The following PLCB4 variants were observed in gnomAD, a reference collection of about 807,000 sequenced individuals.
The protein encoded by PLCB4 is 1-phosphatidylinositol 4,5-bisphosphate phosphodiesterase beta-4.
A neutral mutation model predicts 178.8 loss-of-function variants in PLCB4; 77 were observed. The ratio of observed to expected loss-of-function variants is 0.43; its 90% confidence interval spans 0.36 to 0.52. PLCB4 has a LOEUF of 0.52. Ranked by LOEUF, PLCB4 falls within the 20% of genes least tolerant of loss-of-function variation. The pLI, the probability that PLCB4 is intolerant of heterozygous loss-of-function variation, is 0.00. For synonymous variants in PLCB4, 496 were observed against 490.8 expected (o/e 1.01, Z -0.14); for missense variants, 1,024 against 1,453.4 (o/e 0.70, Z 4.80).
chr20:9,170,061 G>A (rs1183279921), intron 2 of PLCB4, among the ~76,000 whole-genome samples: 2 of 152,022 alleles, frequency 1.3e-5, no homozygotes, highest in African/African-American at 2.4e-5. Context: ...ACAAGTGGAC[G>A]CACCCAGATA....
At chr20:9,452,942 G>A (rs988478092) in intron 32 of PLCB4, among the ~76,000 whole-genome samples, 4 of 152,208 alleles carry the variant, frequency 2.6e-5, no homozygotes, top group Non-Finnish European at 5.9e-5. Context: ...GAAGAAACAT[G>A]GTGGCTGAAC....
At chr20:9,476,536 TC>T (rs1288365758) in intron 38 of PLCB4, among the ~76,000 whole-genome samples, 180 bp from the exon 39 acceptor site, 1 of 152,200 alleles carries the variant, frequency 6.6e-6, no homozygotes, top group Non-Finnish European at 1.5e-5. Flanking sequence ...TTCTTTTTTT[TC>T]TGTTGAGATC....
chr20:9,344,386 A>G (rs1007816129), intron 7 of PLCB4, among the ~76,000 whole-genome samples: 9 of 152,174 alleles, frequency 5.9e-5, no homozygotes, highest in African/African-American at 2.2e-4. Context: ...CTTACTTACC[A>G]TAATATCCAT....
At chr20:9,125,669 A>C (rs1204218458) in intron 2 of PLCB4, among the ~76,000 whole-genome samples, 1 of 152,204 alleles carries the variant, frequency 6.6e-6, no homozygotes, top group Non-Finnish European at 1.5e-5. Context: ...ACTAGAGACC[A>C]ACATAAGGAG....
At chr20:9,087,604 A>G (rs1226097454) in intron 1 of PLCB4, among the ~76,000 whole-genome samples, 2 of 152,194 alleles carry the variant, frequency 1.3e-5, no homozygotes, top group Non-Finnish European at 2.9e-5. Context: ...AGTGATCAGC[A>G]GTAGGGAAGA....
At chr20:9,197,338 G>T (rs200874427) in intron 2 of PLCB4, among the ~76,000 whole-genome samples, 2 of 152,092 alleles carry the variant, frequency 1.3e-5, no homozygotes, top group Non-Finnish European at 2.9e-5. Flanking sequence ...TGGCTATTTT[G>T]CACTCACCAC....
chr20:9,172,158 T>C (rs947760055), intron 2 of PLCB4, among the ~76,000 whole-genome samples: 8 of 152,212 alleles, frequency 5.3e-5, no homozygotes, highest in African/African-American at 1.9e-4. Flanking sequence ...AATTTCATTT[T>C]GTAGAATGAC....
intron 2 of PLCB4, among the ~76,000 whole-genome samples, chr20:9,162,510 G>A (rs1568868677): frequency 2.0e-5 from 3 of 152,188 alleles, no homozygotes; most frequent in East Asian, 1.9e-4. Context: ...TATGCTATTC[G>A]GAGTTAATAT....
Position 9,384,643 on chromosome 20 carries a change from T to C in PLCB4, c.1064+232T>C, listed in dbSNP as rs1309680333. On this transcript the variant is annotated intron_variant, in intron 14 of 39. Coordinates refer to ENST00000378473, the MANE Select transcript of PLCB4 (RefSeq NM_001377142.1). ...TGAAAAGACTTTTCTTTACTGTAAA[T>C]TTAAAATATGCCTCCAAAACCACAA... 2.0e-5 allele frequency among the ~76,000 whole-genome samples: 3 copies of C among 152,192 alleles called. No individual in the cohort carries two copies. In the East Asian group the frequency reaches 5.8e-4, roughly 29 times the overall value.
chr20:9,202,072 T>C (rs2093553793), intron 2 of PLCB4, among the ~76,000 whole-genome samples: 1 of 152,216 alleles, frequency 6.6e-6, no homozygotes, highest in South Asian at 2.1e-4. Flanking sequence ...AAATTAGTGA[T>C]GCATGCACCA....
chr20:9,440,329 T>C (rs2042032273), intron 30 of PLCB4, among the ~76,000 whole-genome samples: 1 of 152,218 alleles, frequency 6.6e-6, no homozygotes, highest in Non-Finnish European at 1.5e-5. Context: ...TATTTTATAA[T>C]AAAGTGTTAA....
intron 4 of PLCB4, among the ~76,000 whole-genome samples, chr20:9,328,324 C>T (rs2031053837): frequency 6.6e-6 from 1 of 152,122 alleles, no homozygotes; most frequent in South Asian, 2.1e-4. Context: ...TCAGTAGGAA[C>T]AGAGTTTTTC....
Position 9,409,062 on chromosome 20 carries a change from A to G in PLCB4, c.1880A>G (p.Asn627Ser). 6.2e-7 allele frequency: 1 copy of G among 1,610,424 alleles called. No homozygotes were observed. Among genetic ancestry groups the G allele is most frequent in the Non-Finnish European group, 8.5e-7 (1 of 1,179,220 alleles). The part of the protein sequence containing the change: ...KTHAIEFVNY[N>S]KRQMSRIYPK... ...TTTTCCTTAATAAGTTACAGTTATA[A>G]CAAACGGCAAATGAGTCGCATTTAC... The change falls in exon 24 of 40, where the codon AAC (asparagine) becomes AGC (serine). Residue 627 changes from asparagine (N) to serine (S), a missense_variant. By Grantham distance (46) the Asn-to-Ser change is conservative. Coordinates refer to ENST00000378473, the MANE Select transcript of PLCB4 (RefSeq NM_001377142.1).
At chr20:9,464,015 C>G (rs901591825) in intron 35 of PLCB4, among the ~76,000 whole-genome samples, 1 of 152,090 alleles carries the variant, frequency 6.6e-6, no homozygotes, top group Non-Finnish European at 1.5e-5. Flanking sequence ...CTAAAATTGA[C>G]AACATAATTG....
intron 1 of PLCB4, among the ~76,000 whole-genome samples, chr20:9,083,378 TACACAC>T (rs11469387): frequency 6.6e-6 from 1 of 150,612 alleles, no homozygotes; most frequent in African/African-American, 2.4e-5. Context: ...CACACACTCA[TACACAC>T]ACACACACAC....
intron 2 of PLCB4, among the ~76,000 whole-genome samples, chr20:9,199,171 G>GT (rs11483749): frequency 0.48 from 73,243 of 151,924 alleles, 18,391 homozygotes; most frequent in African/African-American, 0.63. Context: ...TTTTTTGTGT[G>GT]TCATTTCTTT....
intron 10 of PLCB4, among the ~76,000 whole-genome samples, chr20:9,371,870 G>A (rs1276310618): frequency 2.0e-5 from 3 of 152,146 alleles, no homozygotes; most frequent in Non-Finnish European, 4.4e-5. Flanking sequence ...AGTTTGAAAA[G>A]TAAAATCTTA....
intron 19 of PLCB4, among the ~76,000 whole-genome samples, chr20:9,400,397 G>T (rs551283806): frequency 1.3e-5 from 2 of 152,260 alleles, no homozygotes; most frequent in African/African-American, 4.8e-5. Flanking sequence ...ATCAAAAAAA[G>T]TACATCTTAG....
At chr20:9,187,395 C>T (rs1292996915) in intron 2 of PLCB4, among the ~76,000 whole-genome samples, 1 of 152,198 alleles carries the variant, frequency 6.6e-6, no homozygotes, top group Non-Finnish European at 1.5e-5. Context: ...CCTAATGACA[C>T]TGTCTGTGTA....
Sources: allele counts gnomAD v4.1 joint callset (sites outside exome capture counted in the v4.1 genomes callset), GRCh38; gene constraint gnomAD v4.1.1; transcripts MANE v1.5; gene names NCBI Gene and HGNC (gene_info 2026-07-23, HGNC 2026-07-21).